The following PDE1A variants were observed in gnomAD, a reference collection of about 807,000 sequenced individuals.
PDE1A encodes the protein phosphodiesterase 1A, also known as dual specificity calcium/calmodulin-dependent 3',5'-cyclic nucleotide phosphodiesterase 1A.
A neutral mutation model predicts 61.7 loss-of-function variants in PDE1A; 35 were observed. The ratio of observed to expected loss-of-function variants is 0.57; its 90% CI spans 0.43 to 0.75. The LOEUF (loss-of-function observed/expected upper bound fraction) is 0.75. PDE1A is among the 30% of genes least tolerant of loss of function. The pLI is 0.00. For missense variants in PDE1A, 597 were observed against 630.6 expected (o/e 0.95, Z 0.57); for synonymous variants, 232 against 213.2 (o/e 1.09, Z -0.77).
At chr2:182,230,213 G>A (rs886306637) in intron 5 of PDE1A, 67 bp from the exon 6 acceptor site, 2 of 1,248,666 alleles carry the variant, frequency 1.6e-6, no homozygotes, top group African/African-American at 1.5e-5. Flanking sequence ...CCTGAGCACT[G>A]TTTGTCATGG....
chr2:182,498,364 T>C (rs1042660782), intron 2 of PDE1A, among the ~76,000 whole-genome samples: 3 of 151,968 alleles, frequency 2.0e-5, no homozygotes, highest in African/African-American at 4.8e-5. Flanking sequence ...AGAATCAAAG[T>C]AAGAATGTTA....
chr2:182,324,594 T>C (rs1175420549), intron 1 of PDE1A, among the ~76,000 whole-genome samples: 1 of 152,072 alleles, frequency 6.6e-6, no homozygotes, highest in Non-Finnish European at 1.5e-5. Context: ...AAATCTGTTA[T>C]GTTACTTTTT....
chr2:182,284,106 A>C (rs978825792), intron 1 of PDE1A, among the ~76,000 whole-genome samples: 1 of 152,034 alleles, frequency 6.6e-6, no homozygotes, highest in African/African-American at 2.4e-5. Context: ...AGTCTGGGAG[A>C]ACAAGAGGCA....
the PDE1A span, among the ~76,000 whole-genome samples, chr2:182,698,970 G>A: frequency 6.6e-6 from 1 of 152,178 alleles, no homozygotes; most frequent in South Asian, 2.1e-4. Flanking sequence ...AATGGCTACA[G>A]ACACTTGGCA....
rs960742170 is a variant in PDE1A, at chr2:182,266,116, T to G, written c.54-1702A>C. Among the ~76,000 whole-genome samples, 26 of 152,172 alleles carry G rather than the reference T, an allele frequency of 1.7e-4. 1 individual carries two copies. Among genetic ancestry groups the G allele is most frequent in the Admixed American group, 1.6e-3 (25 of 15,266 alleles). ...TACTCAGGAAGCTGTAAACAATTAC[T>G]TTTTTTATGCCATTTACTTTTGTAT... On this transcript the variant is annotated intron_variant, in intron 1 of 13. Coordinates refer to ENST00000351439, the Ensembl canonical transcript of PDE1A.
intron 2 of PDE1A, among the ~76,000 whole-genome samples, chr2:182,452,080 T>C (rs1055847949): frequency 2.6e-5 from 4 of 152,064 alleles, no homozygotes; most frequent in Non-Finnish European, 5.9e-5. Context: ...ATATAATATG[T>C]CCATTTCATC....
At chr2:182,277,654 G>C (rs1693522914) in intron 1 of PDE1A, among the ~76,000 whole-genome samples, 1 of 152,008 alleles carries the variant, frequency 6.6e-6, no homozygotes, top group African/African-American at 2.4e-5. Context: ...ATTGCCCTAG[G>C]TTGTCTTTAA....
At chr2:182,466,755 A>C (rs1488696845) in intron 2 of PDE1A, among the ~76,000 whole-genome samples, 2 of 152,058 alleles carry the variant, frequency 1.3e-5, no homozygotes, top group Non-Finnish European at 2.9e-5. Flanking sequence ...ATCCAAAAAG[A>C]GCACACAAAT....
At chr2:182,160,661 T>C (rs1465461101) in intron 13 of PDE1A, among the ~76,000 whole-genome samples, 1 of 152,122 alleles carries the variant, frequency 6.6e-6, no homozygotes, top group East Asian at 1.9e-4. Flanking sequence ...ACTGAGATGG[T>C]CACACTACCG....
At chr2:182,498,032 C>T (rs538035358) in intron 2 of PDE1A, among the ~76,000 whole-genome samples, 2 of 118,392 alleles carry the variant, frequency 1.7e-5, no homozygotes, top group Admixed American at 1.2e-4. Flanking sequence ...TGCGACAGAG[C>T]GAGATTGCGT....
At chr2:182,663,503 T>G in the PDE1A span, among the ~76,000 whole-genome samples, 1 of 152,090 alleles carries the variant, frequency 6.6e-6, no homozygotes, top group East Asian at 1.9e-4. Flanking sequence ...TAAAAATGAA[T>G]TAGATCATGT....
At chr2:182,671,788 T>A in the PDE1A span, among the ~76,000 whole-genome samples, 273 of 100,714 alleles carry the variant, frequency 2.7e-3, no homozygotes, top group Non-Finnish European at 5.0e-3. Context: ...CCCGGCTAAT[T>A]TTTTGTATTT....
chr2:182,323,445 GAGGGAAGAGAGAGACTAT>G (rs1696830609), intron 1 of PDE1A, among the ~76,000 whole-genome samples: 1 of 152,188 alleles, frequency 6.6e-6, no homozygotes, highest in Non-Finnish European at 1.5e-5. Flanking sequence ...TTTTCTCTAA[GAGGGAAGAGAGAGACTAT>G]TAGGAAGTTG....
intron 1 of PDE1A, among the ~76,000 whole-genome samples, chr2:182,353,633 T>C (rs1699015153): frequency 6.6e-6 from 1 of 152,094 alleles, no homozygotes; most frequent in Non-Finnish European, 1.5e-5. Flanking sequence ...ACAATGAAAA[T>C]TTTATATTTA....
the PDE1A span, among the ~76,000 whole-genome samples, chr2:182,699,473 T>G: frequency 6.6e-6 from 1 of 152,246 alleles, no homozygotes; most frequent in African/African-American, 2.4e-5. Flanking sequence ...CAATAAACTT[T>G]AGCATGCATA....
chr2:182,167,992 T>A, exon 14 of PDE1A: 1 of 1,210,002 alleles, frequency 8.3e-7, no homozygotes, highest in South Asian at 4.2e-5. Flanking sequence ...CAAAATGCCA[T>A]TGAAACAGAT....
the PDE1A span, among the ~76,000 whole-genome samples, chr2:182,655,814 C>T: frequency 3.9e-5 from 6 of 152,198 alleles, no homozygotes; most frequent in African/African-American, 1.4e-4. Flanking sequence ...CTCAAGTTTC[C>T]GTGATCTGAG....
chr2:182,535,383 C>CTT, the PDE1A span, among the ~76,000 whole-genome samples: 84 of 152,082 alleles, frequency 5.5e-4, no homozygotes, highest in African/African-American at 2.0e-3. Context: ...CTCTTAAATA[C>CTT]TTTGTCTTTT....
the PDE1A span, among the ~76,000 whole-genome samples, chr2:182,601,743 G>T: frequency 6.6e-6 from 1 of 152,184 alleles, no homozygotes; most frequent in African/African-American, 2.4e-5. Flanking sequence ...CCTCTCTGCT[G>T]GCAGCCCATG....
Sources: allele counts gnomAD v4.1 joint callset (sites outside exome capture counted in the v4.1 genomes callset), GRCh38; gene constraint gnomAD v4.1.1; transcripts MANE v1.5; gene names NCBI Gene and HGNC (gene_info 2026-07-23, HGNC 2026-07-21).